Variants in KANSL1 observed in about 807,000 individuals in gnomAD.
The protein encoded by KANSL1 is MLL1/MLL complex subunit KANSL1.
A neutral mutation model predicts 103.6 loss-of-function variants in KANSL1; 22 were observed. That is an observed-to-expected ratio of 0.21 (90% CI 0.15 to 0.30). The LOEUF is 0.30. KANSL1 is among the 10% of genes least tolerant of loss of function. The probability of loss-of-function intolerance (pLI) is 1.00; values close to 1 mark genes in which losing one functional copy is unlikely to be tolerated. For missense variants in KANSL1, 1,337 were observed against 1,399.8 expected (o/e 0.96, Z 0.72); for synonymous variants, 600 against 527.6 (o/e 1.14, Z -1.88).
chr17:46,180,137 G>A (rs1057249927), intron 1 of KANSL1, among the ~76,000 whole-genome samples: 2 of 152,148 alleles, frequency 1.3e-5, no homozygotes, highest in African/African-American at 2.4e-5. Flanking sequence ...TAGAATGAAG[G>A]TGGAAAGGCA....
intron 1 of KANSL1, among the ~76,000 whole-genome samples, chr17:46,203,775 C>T (rs1567801315): frequency 6.6e-6 from 1 of 152,152 alleles, no homozygotes; most frequent in Non-Finnish European, 1.5e-5. Flanking sequence ...AAAGTAAGTA[C>T]CCCAAATAAA....
At chr17:46,204,472 C>T (rs1164779726) in intron 1 of KANSL1, among the ~76,000 whole-genome samples, 2 of 152,038 alleles carry the variant, frequency 1.3e-5, no homozygotes, top group Non-Finnish European at 2.9e-5. Flanking sequence ...CTCAAAAAAA[C>T]AAACAGTTAT....
At chr17:46,098,715 G>T (rs577023727) in intron 2 of KANSL1, among the ~76,000 whole-genome samples, 1 of 152,212 alleles carries the variant, frequency 6.6e-6, no homozygotes, top group East Asian at 1.9e-4. Flanking sequence ...TTTTACAAGT[G>T]TATCTGTGAT....
Position 46,171,134 on chromosome 17 carries a change from G to A in KANSL1, c.1010C>T (p.Ser337Phe), listed in dbSNP as rs777494240. The change falls in exon 2 of 15, where the codon TCC (serine) becomes TTC (phenylalanine). Residue 337 changes from serine (S) to phenylalanine (F), a missense_variant. Around this residue, in one of 2 missense-constraint regions of KANSL1, gnomAD observed 557 missense variants for 476.4 expected, o/e 1.17. Coordinates refer to ENST00000432791, the MANE Select transcript of KANSL1 (RefSeq NM_015443.4). ...CATCAACTGGCTCCGTGGTCTCAAG[G>A]ATTCCAAGTTTGGCAGTTTGCTCAA... ...KTLSKLPNLE[S>F]LRPRSQLMLT... 13 of 1,614,018 alleles carry A rather than the reference G, an allele frequency of 8.1e-6. No homozygotes were observed. The highest frequency in any genetic ancestry group is 1.7e-5 in the Admixed American group (1 of 60,000).
At position 46,071,195 on chromosome 17, in the gene KANSL1, G is replaced by T. The variant is rs1018923707; in HGVS notation, c.1534-3528C>A. 7.9e-5 allele frequency among the ~76,000 whole-genome samples: 12 copies of T among 152,072 alleles called. No homozygotes were observed. The East Asian group carries it at 2.3e-3, about 29-fold the overall frequency. Reference sequence around the variant, plus strand: ...CCCAAATCAAAATTGAAGTCAACAGGCAACACATTATTAACATGGAAATGT... The same window carrying T: ...CCCAAATCAAAATTGAAGTCAACAGTCAACACATTATTAACATGGAAATGT... On this transcript the variant is annotated intron_variant, in intron 4 of 14. Coordinates refer to ENST00000432791, the MANE Select transcript of KANSL1 (RefSeq NM_015443.4).
At chr17:46,143,867 T>A (rs1347435918) in intron 2 of KANSL1, among the ~76,000 whole-genome samples, 1 of 151,314 alleles carries the variant, frequency 6.6e-6, no homozygotes, top group East Asian at 2.0e-4. Flanking sequence ...TGAGAAAATT[T>A]GAGGTCCAGA....
chr17:46,117,395 C>G (rs1272417748), intron 2 of KANSL1, among the ~76,000 whole-genome samples: 1 of 152,214 alleles, frequency 6.6e-6, no homozygotes, highest in Non-Finnish European at 1.5e-5. Context: ...AACGTAAATT[C>G]CAAGAGAGTA....
intron 4 of KANSL1, among the ~76,000 whole-genome samples, chr17:46,081,747 T>C (rs2078996234): frequency 6.6e-6 from 1 of 152,254 alleles, no homozygotes; most frequent in African/African-American, 2.4e-5. Context: ...ACTAGCTTTA[T>C]TATCTGAAGC....
rs949553763 is a variant in KANSL1, at chr17:46,034,152, A to G, written c.2666+9T>C. On this transcript the variant is annotated intron_variant, in intron 11 of 14. Transcript: ENST00000432791. ...ATGGGGAGAGGAGCCAACTATTCTG[A>G]GCTTCTACCTGGGCGTAAGGATTTC... 1.2e-6 allele frequency: 2 copies of G among 1,613,550 alleles called. No homozygotes were observed. The highest frequency in any genetic ancestry group is 1.7e-6 in the Non-Finnish European group (2 of 1,179,722).
At position 46,175,310 on chromosome 17, in the gene KANSL1, C is replaced by CTGTGTGTG. The variant is rs71138529; in HGVS notation, c.-89-3086_-89-3079dup. On this transcript the variant is annotated intron_variant, in intron 1 of 14. Coordinates refer to ENST00000432791, the MANE Select transcript of KANSL1 (RefSeq NM_015443.4). The stretch of plus-strand genomic sequence containing the variant: ...CATATGGGTCGAATCTGTCTTATTG[C>CTGTGTGTG]TGTGTGTGTGTGTGTGTGTGTGTGT... Among the ~76,000 whole-genome samples, 283 of 137,540 alleles carry CTGTGTGTG rather than the reference C, an allele frequency of 2.1e-3. 2 individuals are homozygous for CTGTGTGTG. Among genetic ancestry groups the CTGTGTGTG allele is most frequent in the African/African-American group, 2.8e-3 (101 of 35,904 alleles). The allele number at this position is 137,540 out of a possible 152,430, so 90.2% of individuals were successfully genotyped here.
At chr17:46,144,043 C>T (rs1244499038) in intron 2 of KANSL1, among the ~76,000 whole-genome samples, 1 of 152,184 alleles carries the variant, frequency 6.6e-6, no homozygotes, top group Non-Finnish European at 1.5e-5. Flanking sequence ...ACAAGTTTCA[C>T]ATGTCTGTGG....
intron 1 of KANSL1, among the ~76,000 whole-genome samples, chr17:46,209,986 C>CA (rs2048104309): frequency 6.6e-6 from 1 of 152,174 alleles, no homozygotes; most frequent in East Asian, 1.9e-4. Flanking sequence ...CCAAAACGAA[C>CA]AAAAAAATGC....
upstream of KANSL1, chr17:46,224,967 C>T (rs2048639673): frequency 6.6e-6 from 1 of 151,600 alleles, no homozygotes; most frequent in Non-Finnish European, 1.5e-5. Flanking sequence ...CCGCGTCGGT[C>T]CGTCCCACCT....
At chr17:46,152,800 G>A (rs62063243) in intron 2 of KANSL1, 17,150 of 150,100 alleles carry the variant, frequency 0.11, no homozygotes, top group Non-Finnish European at 0.17. Flanking sequence ...GGATTAGCAA[G>A]ATAGAGAGCA....
At chr17:46,111,389 T>C (rs62061824) in intron 2 of KANSL1, among the ~76,000 whole-genome samples, 21,629 of 151,924 alleles carry the variant, frequency 0.14, 2,112 homozygotes, top group Non-Finnish European at 0.22. Flanking sequence ...TTTGTATTTT[T>C]AGTAGAGATA....
chr17:46,063,912 TAA>T lies in KANSL1; in HGVS notation c.1848+2623_1848+2624del, dbSNP rs371060593. Among the ~76,000 whole-genome samples, 82 of 110,370 alleles carry T rather than the reference TAA, an allele frequency of 7.4e-4. 1 individual carries two copies. Among genetic ancestry groups the T allele is most frequent in the Middle Eastern group, 5.7e-3 (1 of 176 alleles). The allele number at this position is 110,370 out of a possible 152,430, so 72.4% of individuals were successfully genotyped here. A position where few individuals can be genotyped will look rare whatever the true frequency, so the allele number is the denominator to read the frequency against. On this transcript the variant is annotated intron_variant, in intron 6 of 14. Transcript: ENST00000432791. ...GAGGTGGCGGTTTTTTTTTTTTTTT[TAA>T]AATGTAAAAGCATTCTGTGTTAAAT...
chr17:46,126,873 T>C (rs1316308156), intron 2 of KANSL1, among the ~76,000 whole-genome samples: 3 of 152,190 alleles, frequency 2.0e-5, no homozygotes, highest in Non-Finnish European at 4.4e-5. Flanking sequence ...CAACAAAAAT[T>C]TGCCCGCCAA....
At chr17:46,155,302 C>T (rs1004042362) in intron 2 of KANSL1, among the ~76,000 whole-genome samples, 1 of 151,940 alleles carries the variant, frequency 6.6e-6, no homozygotes, top group South Asian at 2.1e-4. Flanking sequence ...GGACTACAGG[C>T]GTGTGCGACC....
intron 2 of KANSL1, among the ~76,000 whole-genome samples, chr17:46,146,774 A>T (rs1049627667): frequency 1.4e-5 from 2 of 141,772 alleles, no homozygotes; most frequent in South Asian, 4.5e-4. Context: ...CGGAGCTTGC[A>T]GTGAGCCGAG....
Sources: allele counts gnomAD v4.1 joint callset (sites outside exome capture counted in the v4.1 genomes callset), GRCh38; gene constraint gnomAD v4.1.1; regional missense constraint gnomAD v4.1.1; transcripts MANE v1.5; gene names NCBI Gene and HGNC (gene_info 2026-07-23, HGNC 2026-07-21).